The following C8orf34 variants were observed in gnomAD, a reference collection of about 807,000 sequenced individuals.
C8orf34 encodes the protein uncharacterized protein C8orf34.
C8orf34 carries 65 observed loss-of-function variants against 68.3 expected under a neutral mutation model. That is an observed-to-expected ratio of 0.95 (90% confidence interval 0.78 to 1.17). The LOEUF (loss-of-function observed/expected upper bound fraction) is 1.17, where lower values mean the gene tolerates loss of function less well. C8orf34 is among the 50% of genes most tolerant of loss of function. The pLI is 0.00. For synonymous variants in C8orf34, 244 were observed against 241.2 expected (o/e 1.01, Z -0.11); for missense variants, 664 against 655.4 (o/e 1.01, Z -0.14).
At chr8:68,653,382 C>T (rs1397122497) in intron 8 of C8orf34, among the ~76,000 whole-genome samples, 3 of 152,168 alleles carry the variant, frequency 2.0e-5, no homozygotes, top group African/African-American at 4.8e-5. Flanking sequence ...GGTAAATAAT[C>T]GGTTCCTGTA....
intron 8 of C8orf34, among the ~76,000 whole-genome samples, chr8:68,656,472 T>C (rs77565549): frequency 0.011 from 1,634 of 152,362 alleles, 33 homozygotes; most frequent in African/African-American, 0.036. Flanking sequence ...CCAGTGCTTC[T>C]GATAAAAATT....
chr8:68,709,660 T>G (rs1372357492), intron 9 of C8orf34, among the ~76,000 whole-genome samples: 1 of 152,162 alleles, frequency 6.6e-6, no homozygotes, highest in Admixed American at 6.5e-5. Context: ...TTTTCCCTCT[T>G]TCTCCATCAA....
At chr8:68,699,156 T>G (rs1280786027) in intron 8 of C8orf34, among the ~76,000 whole-genome samples, 1 of 151,904 alleles carries the variant, frequency 6.6e-6, no homozygotes, top group Non-Finnish European at 1.5e-5. Context: ...GTTGGAGATT[T>G]CAAGGTGTCC....
At chr8:68,524,924 C>A (rs902184293) in intron 6 of C8orf34, among the ~76,000 whole-genome samples, 1 of 152,076 alleles carries the variant, frequency 6.6e-6, no homozygotes, top group Admixed American at 6.5e-5. Context: ...AGCTGAATCA[C>A]CTTATTAAAA....
intron 9 of C8orf34, among the ~76,000 whole-genome samples, chr8:68,720,356 T>C (rs1821635395): frequency 6.6e-6 from 1 of 151,960 alleles, no homozygotes; most frequent in South Asian, 2.1e-4. Context: ...TGATTTATTA[T>C]GGATTTGGGC....
intron 5 of C8orf34, among the ~76,000 whole-genome samples, chr8:68,498,949 G>C (rs559340672): frequency 1.8e-4 from 28 of 152,250 alleles, no homozygotes; most frequent in African/African-American, 6.0e-4. Flanking sequence ...AATCACTTCA[G>C]GGGGTACATG....
intron 10 of C8orf34, among the ~76,000 whole-genome samples, chr8:68,728,509 C>A (rs148127769): frequency 7.7e-4 from 118 of 152,326 alleles, no homozygotes; most frequent in African/African-American, 2.6e-3. Flanking sequence ...CTGTATTAGT[C>A]TGTTTTCACG....
Position 68,480,510 on chromosome 8 carries a change from G to A in C8orf34, c.737-7513G>A, listed in dbSNP as rs1032788026. 2.0e-5 allele frequency among the ~76,000 whole-genome samples: 3 copies of A among 152,162 alleles called. No homozygotes were observed. The East Asian group carries it at 5.8e-4, about 29-fold the overall frequency. On this transcript the variant is annotated intron_variant, in intron 4 of 13. Transcript: ENST00000518698. ...GGAACTGGGTAACACGTAGAGGTTG[G>A]AACAATTTGGAGGCCTCAGAAGAAG...
At chr8:68,552,494 A>C (rs192579958) in intron 7 of C8orf34, among the ~76,000 whole-genome samples, 19 of 152,270 alleles carry the variant, frequency 1.2e-4, no homozygotes, top group Non-Finnish European at 1.5e-5. Flanking sequence ...TTCTTCATTG[A>C]CAGTGTGTAG....
chr8:68,668,590 A>G (rs559134224), intron 8 of C8orf34, among the ~76,000 whole-genome samples: 19 of 152,322 alleles, frequency 1.2e-4, no homozygotes, highest in Admixed American at 1.0e-3. Context: ...AAAAGATCGG[A>G]CAAGATGACC....
chr8:68,392,685 T>C (rs754281446), intron 1 of C8orf34, among the ~76,000 whole-genome samples: 12 of 152,078 alleles, frequency 7.9e-5, no homozygotes, highest in Non-Finnish European at 1.8e-4. Context: ...ATATAAAAAA[T>C]GGATAGCCTC....
intron 7 of C8orf34, among the ~76,000 whole-genome samples, chr8:68,561,866 T>C (rs1396034171): frequency 6.6e-6 from 1 of 152,100 alleles, no homozygotes; most frequent in African/African-American, 2.4e-5. Flanking sequence ...AATGTCACTT[T>C]CTTCCACCTC....
intron 10 of C8orf34, among the ~76,000 whole-genome samples, chr8:68,740,726 C>A (rs1038497274): frequency 1.3e-5 from 2 of 152,162 alleles, no homozygotes; most frequent in African/African-American, 4.8e-5. Flanking sequence ...ACCCAGCAAT[C>A]CCATTACTGG....
intron 7 of C8orf34, among the ~76,000 whole-genome samples, chr8:68,574,262 A>C (rs1001427970): frequency 6.6e-5 from 10 of 152,076 alleles, no homozygotes; most frequent in African/African-American, 2.4e-4. Context: ...AAAAATGACA[A>C]AAATATTAAC....
At chr8:68,494,974 A>G (rs1022065008) in intron 5 of C8orf34, among the ~76,000 whole-genome samples, 9 of 151,564 alleles carry the variant, frequency 5.9e-5, no homozygotes, top group Admixed American at 1.3e-4. Flanking sequence ...TCTTTATAAC[A>G]TCAGTACATT....
At chr8:68,386,153 C>T (rs1303601077) in intron 1 of C8orf34, among the ~76,000 whole-genome samples, 1 of 152,142 alleles carries the variant, frequency 6.6e-6, no homozygotes, top group African/African-American at 2.4e-5. Context: ...GCATTCCTCA[C>T]ACCTCGGCCT....
intron 8 of C8orf34, among the ~76,000 whole-genome samples, chr8:68,690,489 C>A (rs1040324798): frequency 1.3e-5 from 2 of 151,954 alleles, no homozygotes; most frequent in Non-Finnish European, 1.5e-5. Context: ...AGTCCAAAAT[C>A]AAGGCGCCAG....
chr8:68,355,726 G>A (rs79152306), intron 1 of C8orf34, among the ~76,000 whole-genome samples: 379 of 152,258 alleles, frequency 2.5e-3, no homozygotes, highest in African/African-American at 8.4e-3. Context: ...CAAAGTGTAC[G>A]TGTCTGTGTT....
rs184076405 is a variant in C8orf34, at chr8:68,711,620, G to C, written c.1327+2541G>C. 1.2e-3 allele frequency among the ~76,000 whole-genome samples: 178 copies of C among 151,948 alleles called. 1 individual carries two copies. The highest frequency in any genetic ancestry group is 4.1e-3 in the African/African-American group (170 of 41,474). On this transcript the variant is annotated intron_variant, in intron 9 of 13. Coordinates refer to ENST00000518698, the MANE Select transcript of C8orf34 (RefSeq NM_052958.4). ...ATTAACCCAATCCATCAAAGACAAA[G>C]AAAAAAGAATTTTAAAAACATGAAC...
Sources: allele counts gnomAD v4.1 joint callset (sites outside exome capture counted in the v4.1 genomes callset), GRCh38; gene constraint gnomAD v4.1.1; transcripts MANE v1.5; gene names NCBI Gene and HGNC (gene_info 2026-07-23, HGNC 2026-07-21).